The following PDE8A variants were observed in gnomAD, a reference collection of about 807,000 sequenced individuals.
The protein encoded by PDE8A is high affinity cAMP-specific and IBMX-insensitive 3',5'-cyclic phosphodiesterase 8A.
Under a neutral mutation model 105.0 loss-of-function variants are expected in PDE8A, and 59 were observed. That is an observed-to-expected ratio of 0.56 (90% confidence interval 0.46 to 0.70). The LOEUF is 0.70. Among genes scored for constraint, PDE8A ranks in the 30% least tolerant of loss-of-function variants. The pLI, the probability that PDE8A is intolerant of heterozygous loss-of-function variation, is 0.00. For synonymous variants in PDE8A, 355 were observed against 371.9 expected (o/e 0.95, Z 0.52); for missense variants, 1,014 against 1,045.9 (o/e 0.97, Z 0.42).
At chr15:84,996,475 TG>T (rs1312485880) in intron 1 of PDE8A, among the ~76,000 whole-genome samples, 1 of 152,096 alleles carries the variant, frequency 6.6e-6, no homozygotes, top group Non-Finnish European at 1.5e-5. Flanking sequence ...CTACCGTGCT[TG>T]GCAGGTATTT....
At chr15:85,136,051 AG>A in intron 20 of PDE8A, among the ~76,000 whole-genome samples, 1 of 152,248 alleles carries the variant, frequency 6.6e-6, no homozygotes, top group Non-Finnish European at 1.5e-5. Flanking sequence ...TTTTTCTTTG[AG>A]GGATGTGAGC....
chr15:85,076,799 C>T lies in PDE8A; in HGVS notation c.546+12C>T, dbSNP rs747332863. 2 of 1,481,376 alleles carry T rather than the reference C, an allele frequency of 1.4e-6. No individual in the cohort carries two copies. Among genetic ancestry groups the T allele is most frequent in the Non-Finnish European group, 1.9e-6 (2 of 1,059,114 alleles). The allele number at this position is 1,481,376 out of a possible 1,614,324, so 91.8% of individuals were successfully genotyped here. On this transcript the variant is annotated intron_variant, in intron 5 of 21. Coordinates refer to ENST00000394553, the MANE Select transcript of PDE8A (RefSeq NM_002605.3). ...CTGGATTTACAAGGGTATGTACTCA[C>T]TTATTTGTTATACAAGTATAATTCA...
At chr15:85,137,405 A>G (rs2082428104) in intron 21 of PDE8A, among the ~76,000 whole-genome samples, 1 of 149,024 alleles carries the variant, frequency 6.7e-6, no homozygotes, top group African/African-American at 2.5e-5. Context: ...ATGCTGGTGT[A>G]TGTGAAGCAT....
intron 1 of PDE8A, among the ~76,000 whole-genome samples, chr15:85,049,193 T>G (rs2080934333): frequency 6.6e-6 from 1 of 152,228 alleles, no homozygotes; most frequent in Admixed American, 6.5e-5. Context: ...AAAATACACA[T>G]AACGTAAAAT....
chr15:85,138,004 A>T lies in PDE8A; in HGVS notation c.*101A>T. ...TGGTCCTTTCAGTACTAGGCAGAAC[A>T]GCCCCCGATCTGCATAGCCTGTGAA... On this transcript the variant is annotated 3_prime_UTR_variant, in exon 22 of 22. Coordinates refer to ENST00000394553, the MANE Select transcript of PDE8A (RefSeq NM_002605.3). The T allele has an allele frequency of 1.4e-6, 1 of 710,508 alleles. No individual in the cohort carries two copies. The highest frequency in any genetic ancestry group is 2.5e-6 in the Non-Finnish European group (1 of 400,750). The allele number at this position is 710,508 out of a possible 1,614,324, so 44.0% of individuals were successfully genotyped here. A position where few individuals can be genotyped will look rare whatever the true frequency, so the allele number is the denominator to read the frequency against.
At chr15:85,068,601 G>A (rs923583370) in intron 3 of PDE8A, among the ~76,000 whole-genome samples, 1 of 152,158 alleles carries the variant, frequency 6.6e-6, no homozygotes, top group Non-Finnish European at 1.5e-5. Flanking sequence ...CTCAGAGGAA[G>A]GGAAGATGAT....
upstream of PDE8A, among the ~76,000 whole-genome samples, chr15:84,981,691 A>AGGC (rs143049742): frequency 4.6e-4 from 69 of 150,784 alleles, no homozygotes; most frequent in East Asian, 2.6e-3. Flanking sequence ...GGAGCCGGGG[A>AGGC]GGCGGCGGCG....
intron 2 of PDE8A, 71 bp downstream of exon 2, chr15:85,064,497 T>G: frequency 1.0e-6 from 1 of 970,886 alleles, no homozygotes; most frequent in South Asian, 1.4e-5. Context: ...GAGCTAAATT[T>G]ACACATTTAA....
intron 1 of PDE8A, among the ~76,000 whole-genome samples, chr15:84,991,855 A>C (rs2079890064): frequency 1.3e-5 from 2 of 152,206 alleles, no homozygotes; most frequent in Admixed American, 1.3e-4. Flanking sequence ...CTTTTTATTT[A>C]AAGATTGATA....
At chr15:85,104,635 G>C (rs532776832) in intron 11 of PDE8A, among the ~76,000 whole-genome samples, 1 of 152,266 alleles carries the variant, frequency 6.6e-6, no homozygotes, top group East Asian at 1.9e-4. Context: ...ATGACACCAA[G>C]ATATCTAGCT....
chr15:85,102,773 A>T (rs2081885773), intron 11 of PDE8A, among the ~76,000 whole-genome samples: 1 of 147,134 alleles, frequency 6.8e-6, no homozygotes, highest in Admixed American at 6.9e-5. Context: ...CGGGAGGCTG[A>T]GGTTGTGGTG....
At chr15:85,113,174 A>G (rs1235122176) in intron 12 of PDE8A, among the ~76,000 whole-genome samples, 6 of 152,178 alleles carry the variant, frequency 3.9e-5, no homozygotes, top group Non-Finnish European at 7.3e-5. Context: ...CCATGGGGGC[A>G]TATGTGCATT....
chr15:85,092,177 G>A (rs189756001), intron 8 of PDE8A, among the ~76,000 whole-genome samples: 19 of 152,164 alleles, frequency 1.2e-4, no homozygotes, highest in African/African-American at 4.3e-4. Context: ...CCTTTCCTAT[G>A]CCTCTGAGCA....
At chr15:85,099,911 G>A in intron 9 of PDE8A, 104 bp from the exon 10 acceptor site, 1 of 838,494 alleles carries the variant, frequency 1.2e-6, no homozygotes, top group South Asian at 1.6e-5. Flanking sequence ...AGAGCGTTTT[G>A]TGTATTGCAA....
chr15:85,096,711 C>G (rs1052895784), intron 8 of PDE8A, among the ~76,000 whole-genome samples: 26 of 152,128 alleles, frequency 1.7e-4, no homozygotes, highest in African/African-American at 6.0e-4. Context: ...GGCTGAGCTC[C>G]CCCTCAGAAC....
intron 1 of PDE8A, among the ~76,000 whole-genome samples, chr15:84,992,157 C>T (rs2079895727): frequency 6.6e-6 from 1 of 152,140 alleles, no homozygotes; most frequent in East Asian, 1.9e-4. Context: ...GCCCTGCTCT[C>T]AGGGAACAAT....
At chr15:85,134,454 G>T (rs1567308617) in intron 20 of PDE8A, among the ~76,000 whole-genome samples, 2 of 152,188 alleles carry the variant, frequency 1.3e-5, no homozygotes, top group African/African-American at 2.4e-5. Flanking sequence ...AGAGACTCGT[G>T]TAGGGCTGAC....
chr15:85,072,248 C>G (rs868109465), intron 3 of PDE8A, among the ~76,000 whole-genome samples: 2 of 152,180 alleles, frequency 1.3e-5, no homozygotes, highest in Non-Finnish European at 2.9e-5. Flanking sequence ...TTTTGTGAAA[C>G]TTAACTCATT....
chr15:84,996,615 G>A (rs1181125090), intron 1 of PDE8A, among the ~76,000 whole-genome samples: 8 of 151,806 alleles, frequency 5.3e-5, no homozygotes, highest in African/African-American at 1.9e-4. Flanking sequence ...ACCTGAGGTC[G>A]TAAGTTCAAG....
Sources: allele counts gnomAD v4.1 joint callset (sites outside exome capture counted in the v4.1 genomes callset), GRCh38; gene constraint gnomAD v4.1.1; transcripts MANE v1.5; gene names NCBI Gene and HGNC (gene_info 2026-07-23, HGNC 2026-07-21).